The following ANKS1B variants were observed in gnomAD, a reference collection of about 807,000 sequenced individuals.
The protein encoded by ANKS1B is ankyrin repeat and sterile alpha motif domain containing 1B.
A neutral mutation model predicts 148.3 loss-of-function variants in ANKS1B; 36 were observed. The observed-to-expected ratio is 0.24, with a 90% CI of 0.19 to 0.32. The LOEUF (loss-of-function observed/expected upper bound fraction) is 0.32, where lower values mean the gene tolerates loss of function less well. Ranked by LOEUF, ANKS1B falls within the 10% of genes least tolerant of loss-of-function variation. The pLI, the probability that ANKS1B is intolerant of heterozygous loss-of-function variation, is 1.00. For missense variants in ANKS1B, 1,157 were observed against 1,542.6 expected, an observed-to-expected ratio of 0.75 and a Z score of 4.19; for synonymous variants, 542 against 560.8, an observed-to-expected ratio of 0.97 and a Z score of 0.47.
intron 10 of ANKS1B, among the ~76,000 whole-genome samples, chr12:99,477,894 T>A (rs1228281635): frequency 6.6e-6 from 1 of 152,078 alleles, no homozygotes; most frequent in Admixed American, 6.6e-5. Flanking sequence ...CACCTCAGTA[T>A]AAGGGAAGTA....
chr12:99,086,013 A>G (rs977631684), intron 15 of ANKS1B, among the ~76,000 whole-genome samples: 30 of 152,176 alleles, frequency 2.0e-4, no homozygotes, highest in African/African-American at 7.2e-4. Flanking sequence ...AACATAAAAT[A>G]AAAGTTAAAA....
intron 10 of ANKS1B, among the ~76,000 whole-genome samples, chr12:99,457,756 C>G (rs1436959759): frequency 2.6e-5 from 4 of 152,108 alleles, no homozygotes; most frequent in Non-Finnish European, 5.9e-5. Flanking sequence ...GCACCTAACA[C>G]TGGAAGTCCC....
In ANKS1B at chr12:99,528,408, C is replaced by CA. The variant is rs1301994434; in HGVS notation, c.1273-23768dup. 3.9e-5 allele frequency among the ~76,000 whole-genome samples: 5 copies of CA among 129,828 alleles called. No homozygotes were observed. In the South Asian group the frequency reaches 7.1e-4, roughly 19 times the overall value. The allele number at this position is 129,828 out of a possible 152,430, so 85.2% of individuals were successfully genotyped here. A position where few individuals can be genotyped will look rare whatever the true frequency, so the allele number is the denominator to read the frequency against. The stretch of plus-strand genomic sequence containing the variant: ...TTAAACTAAAGAGCTTCTGCACAGC[C>CA]AAAAAACAGAACAAAAACAAAAACA... On this transcript the variant is annotated intron_variant, in intron 9 of 26. Coordinates refer to ENST00000683438, the MANE Select transcript of ANKS1B (RefSeq NM_001352186.2).
chr12:98,826,387 C>T (rs1377870554), intron 19 of ANKS1B, among the ~76,000 whole-genome samples: 1 of 152,016 alleles, frequency 6.6e-6, no homozygotes, highest in Non-Finnish European at 1.5e-5. Flanking sequence ...GTAAAATGGA[C>T]ATTAAATTTA....
chr12:99,671,665 A>G (rs2098538789), intron 8 of ANKS1B, among the ~76,000 whole-genome samples: 1 of 152,136 alleles, frequency 6.6e-6, no homozygotes, highest in Admixed American at 6.6e-5. Context: ...TTAGGACTGA[A>G]GCATTTTATA....
chr12:99,760,514 G>GT (rs1567796080), intron 8 of ANKS1B, among the ~76,000 whole-genome samples: 1 of 151,516 alleles, frequency 6.6e-6, no homozygotes, highest in African/African-American at 2.4e-5. Flanking sequence ...TAAAACAGAC[G>GT]TAACATACCA....
At chr12:99,976,445 G>A (rs1025843595) in intron 1 of ANKS1B, among the ~76,000 whole-genome samples, 12 of 152,204 alleles carry the variant, frequency 7.9e-5, no homozygotes, top group South Asian at 6.2e-4. Flanking sequence ...AGAAAAAAAC[G>A]CTTTTTTTCT....
chr12:99,951,672 C>T (rs73380114), intron 1 of ANKS1B, among the ~76,000 whole-genome samples: 6,374 of 151,210 alleles, frequency 0.042, 427 homozygotes, highest in African/African-American at 0.15. Context: ...GCCAGGAGCT[C>T]GAGATCAGCC....
At chr12:98,816,318 G>A (rs1346016538) in intron 19 of ANKS1B, among the ~76,000 whole-genome samples, 1 of 152,066 alleles carries the variant, frequency 6.6e-6, no homozygotes, top group African/African-American at 2.4e-5. Context: ...TTGTTTTTGA[G>A]ACAGGGTCTC....
At chr12:99,238,564 A>G (rs1040516047) in intron 14 of ANKS1B, among the ~76,000 whole-genome samples, 15 of 152,188 alleles carry the variant, frequency 9.9e-5, no homozygotes, top group Admixed American at 8.5e-4. Flanking sequence ...TGGTTCTCTC[A>G]GCACAGCGTT....
intron 9 of ANKS1B, among the ~76,000 whole-genome samples, chr12:99,629,702 G>A (rs2098140113): frequency 6.6e-6 from 1 of 152,130 alleles, no homozygotes; most frequent in Admixed American, 6.5e-5. Context: ...AAATAAGAGA[G>A]TGGATAACTT....
intron 17 of ANKS1B, among the ~76,000 whole-genome samples, chr12:98,893,198 T>G (rs1292278848): frequency 6.6e-6 from 1 of 152,228 alleles, no homozygotes; most frequent in Non-Finnish European, 1.5e-5. Flanking sequence ...AGAGAATCAC[T>G]GCTAACACAC....
intron 25 of ANKS1B, among the ~76,000 whole-genome samples, chr12:98,757,746 C>T (rs1304254069): frequency 3.9e-5 from 6 of 152,234 alleles, no homozygotes; most frequent in East Asian, 1.9e-4. Context: ...TCACGTCTCT[C>T]GAATGCTGTA....
Position 98,795,428 on chromosome 12 carries a change from T to C in ANKS1B, c.3342+3506A>G, listed in dbSNP as rs1420420166. ...TCGAGGATGAGAACTGAATAATCTT[T>C]GCCTGAAATCACACTACACTCTAGA... On this transcript the variant is annotated intron_variant, in intron 22 of 26. Transcript: ENST00000683438. Among the ~76,000 whole-genome samples, 3 of 152,320 alleles carry C rather than the reference T, an allele frequency of 2.0e-5. No individual in the cohort carries two copies. The East Asian group carries it at 5.8e-4, about 29-fold the overall frequency.
At chr12:99,624,402 T>C (rs143046145) in intron 9 of ANKS1B, among the ~76,000 whole-genome samples, 1 of 151,874 alleles carries the variant, frequency 6.6e-6, no homozygotes, top group African/African-American at 2.4e-5. Context: ...AAGTTGACAA[T>C]TGAGACCTAA....
At chr12:99,610,741 T>C (rs2097894893) in intron 9 of ANKS1B, among the ~76,000 whole-genome samples, 2 of 152,120 alleles carry the variant, frequency 1.3e-5, no homozygotes, top group African/African-American at 4.8e-5. Flanking sequence ...AAAGTTAATT[T>C]ATAGGATTCA....
intron 17 of ANKS1B, among the ~76,000 whole-genome samples, chr12:98,920,381 C>T (rs1185909154): frequency 6.6e-6 from 1 of 152,148 alleles, no homozygotes; most frequent in Non-Finnish European, 1.5e-5. Flanking sequence ...CTGATAAAGA[C>T]ATACCTGAGA....
At chr12:99,015,559 T>C (rs2099941959) in intron 17 of ANKS1B, among the ~76,000 whole-genome samples, 1 of 151,804 alleles carries the variant, frequency 6.6e-6, no homozygotes, top group Non-Finnish European at 1.5e-5. Flanking sequence ...TGAAGGAAAA[T>C]AGTAAGATCT....
intron 17 of ANKS1B, among the ~76,000 whole-genome samples, chr12:99,029,029 A>G (rs537433190): frequency 2.6e-5 from 4 of 152,368 alleles, no homozygotes; most frequent in African/African-American, 9.6e-5. Context: ...AAAACAATAT[A>G]AAGAAACCAG....
Sources: allele counts gnomAD v4.1 joint callset (sites outside exome capture counted in the v4.1 genomes callset), GRCh38; gene constraint gnomAD v4.1.1; transcripts MANE v1.5; gene names NCBI Gene and HGNC (gene_info 2026-07-23, HGNC 2026-07-21).